The following SPAG16 variants were observed in gnomAD, a reference collection of about 807,000 sequenced individuals.
The protein encoded by SPAG16 is sperm associated antigen 16.
Under a neutral mutation model 80.4 loss-of-function variants are expected in SPAG16, and 86 were observed. The observed-to-expected ratio is 1.07, with a 90% confidence interval of 0.90 to 1.28. The LOEUF is 1.28. Among genes scored for constraint, SPAG16 ranks in the 50% most tolerant of loss-of-function variants. The pLI is 0.00. For missense variants in SPAG16, 870 were observed against 765.3 expected (o/e 1.14, Z -1.61); for synonymous variants, 294 against 265.9 (o/e 1.11, Z -1.03).
At chr2:213,885,846 C>T (rs2076535381) in intron 11 of SPAG16, among the ~76,000 whole-genome samples, 1 of 152,098 alleles carries the variant, frequency 6.6e-6, no homozygotes, top group African/African-American at 2.4e-5. Flanking sequence ...ATTCACATTC[C>T]CTTGACGCTC....
intron 11 of SPAG16, among the ~76,000 whole-genome samples, chr2:213,871,626 A>G (rs2075948964): frequency 6.6e-6 from 1 of 152,024 alleles, no homozygotes; most frequent in African/African-American, 2.4e-5. Flanking sequence ...GCAGGAGGTA[A>G]AGGCTAAGGC....
chr2:214,188,128 A>T (rs1381916464), intron 15 of SPAG16, among the ~76,000 whole-genome samples: 2 of 152,088 alleles, frequency 1.3e-5, no homozygotes, highest in Non-Finnish European at 2.9e-5. Context: ...CTGGATACCC[A>T]CATCTCATGT....
intron 10 of SPAG16, among the ~76,000 whole-genome samples, chr2:213,806,739 G>T (rs946500917): frequency 2.0e-5 from 3 of 152,040 alleles, no homozygotes; most frequent in Non-Finnish European, 4.4e-5. Context: ...TTGAGTTAAG[G>T]CATGGATGAT....
chr2:213,968,866 C>T (rs552215870), intron 12 of SPAG16, among the ~76,000 whole-genome samples: 2 of 152,284 alleles, frequency 1.3e-5, no homozygotes, highest in African/African-American at 4.8e-5. Context: ...TTGTACATAG[C>T]ACATATATAT....
intron 10 of SPAG16, among the ~76,000 whole-genome samples, chr2:213,545,741 T>A (rs1288454413): frequency 6.6e-6 from 1 of 152,156 alleles, no homozygotes; most frequent in Non-Finnish European, 1.5e-5. Flanking sequence ...TGTTTGGTGA[T>A]CATTGTCTCA....
At chr2:214,234,094 T>G (rs757874774) in intron 15 of SPAG16, among the ~76,000 whole-genome samples, 3 of 152,038 alleles carry the variant, frequency 2.0e-5, no homozygotes, top group East Asian at 1.9e-4. Context: ...TGTGTCCATG[T>G]GTTCTCATTA....
rs145619951 is a variant in SPAG16, at chr2:213,589,863, A to G, written c.1070+99773A>G. ...CTTCTACTTGGGTGGCAGAGGTTTC[A>G]GTGAGCCGAGATCGCGCCATTGCAC... is the stretch of plus-strand genomic sequence containing the variant. On this transcript the variant is annotated intron_variant, in intron 10 of 15. Transcript: ENST00000331683. Among the ~76,000 whole-genome samples, 1,178 of 151,568 alleles carry G rather than the reference A, an allele frequency of 7.8e-3. 14 individuals are homozygous for G. The highest frequency in any genetic ancestry group is 0.027 in the African/African-American group (1,130 of 41,202).
chr2:214,214,658 T>G (rs936485741), intron 15 of SPAG16, among the ~76,000 whole-genome samples: 1 of 151,904 alleles, frequency 6.6e-6, no homozygotes, highest in Non-Finnish European at 1.5e-5. Flanking sequence ...AGATCTAAAT[T>G]TTGTGGGTAC....
At chr2:213,955,762 A>T (rs2044087377) in intron 12 of SPAG16, among the ~76,000 whole-genome samples, 1 of 152,080 alleles carries the variant, frequency 6.6e-6, no homozygotes, top group South Asian at 2.1e-4. Flanking sequence ...CATCCACACT[A>T]TCCAATACAT....
Position 213,991,469 on chromosome 2 carries a change from A to C in SPAG16, c.1401-22482A>C, listed in dbSNP as rs190031934. ...ACAGTGCTGCAATAAACATGTGTACATGTGTCTTTATAGTAAAATATAAAT... is the reference window on the plus strand; with the variant it reads ...ACAGTGCTGCAATAAACATGTGTACCTGTGTCTTTATAGTAAAATATAAAT... On this transcript the variant is annotated intron_variant, in intron 12 of 15. Transcript: ENST00000331683. Among the ~76,000 whole-genome samples the C allele has an allele frequency of 2.2e-3, 334 of 152,288 alleles. 3 individuals are homozygous for C. Among genetic ancestry groups the C allele is most frequent in the Admixed American group, 0.021 (323 of 15,282 alleles).
At chr2:214,075,221 A>G (rs894370369) in intron 13 of SPAG16, among the ~76,000 whole-genome samples, 1 of 151,302 alleles carries the variant, frequency 6.6e-6, no homozygotes, top group Non-Finnish European at 1.5e-5. Context: ...CTTGATTTTG[A>G]TAATTGAAAG....
chr2:214,270,495 G>C (rs1691908901), intron 15 of SPAG16, among the ~76,000 whole-genome samples: 1 of 152,010 alleles, frequency 6.6e-6, no homozygotes, highest in Non-Finnish European at 1.5e-5. Flanking sequence ...ACAACATACT[G>C]TGCTTATCAA....
chr2:213,478,834 A>G (rs2073577664), intron 9 of SPAG16, among the ~76,000 whole-genome samples: 1 of 152,166 alleles, frequency 6.6e-6, no homozygotes, highest in South Asian at 2.1e-4. Context: ...CATCTTCTGA[A>G]TACTCTTAAG....
At chr2:213,966,488 C>G (rs1020646791) in intron 12 of SPAG16, among the ~76,000 whole-genome samples, 2 of 152,006 alleles carry the variant, frequency 1.3e-5, no homozygotes, top group African/African-American at 4.8e-5. Context: ...TGTATAATCC[C>G]TTTAAAAATA....
intron 15 of SPAG16, among the ~76,000 whole-genome samples, chr2:214,328,075 G>A (rs1696622567): frequency 6.6e-6 from 1 of 151,794 alleles, no homozygotes; most frequent in Non-Finnish European, 1.5e-5. Context: ...TTTTTGTCTA[G>A]GTTAAACTTG....
chr2:213,955,103 G>A (rs764672674), intron 12 of SPAG16, among the ~76,000 whole-genome samples: 6 of 150,806 alleles, frequency 4.0e-5, no homozygotes, highest in South Asian at 4.2e-4. Context: ...TTTCTGGCTC[G>A]TCTGTTCACT....
intron 10 of SPAG16, among the ~76,000 whole-genome samples, chr2:213,670,648 T>G (rs1471552125): frequency 6.6e-6 from 1 of 151,654 alleles, no homozygotes; most frequent in Non-Finnish European, 1.5e-5. Context: ...GTACTGATAG[T>G]ATATACATTA....
chr2:213,783,145 G>C (rs1440711070), intron 10 of SPAG16, among the ~76,000 whole-genome samples: 1 of 146,470 alleles, frequency 6.8e-6, no homozygotes, highest in Non-Finnish European at 1.5e-5. Context: ...AGAATATGCT[G>C]TGTTTGGTTT....
chr2:213,834,427 G>A (rs1465186249), intron 10 of SPAG16, among the ~76,000 whole-genome samples: 2 of 152,142 alleles, frequency 1.3e-5, no homozygotes, highest in Admixed American at 1.3e-4. Context: ...AACAAAGAGG[G>A]TATGATCTAA....
Sources: allele counts gnomAD v4.1 joint callset (sites outside exome capture counted in the v4.1 genomes callset), GRCh38; gene constraint gnomAD v4.1.1; transcripts MANE v1.5; gene names NCBI Gene and HGNC (gene_info 2026-07-23, HGNC 2026-07-21).